The following CFAP20DC variants were observed in gnomAD, a reference collection of about 807,000 sequenced individuals.
CFAP20DC encodes the protein protein CFAP20DC.
CFAP20DC carries 84 observed loss-of-function variants against 101.7 expected under a neutral mutation model. The ratio of observed to expected loss-of-function variants is 0.83; its 90% confidence interval spans 0.69 to 0.99. The LOEUF (loss-of-function observed/expected upper bound fraction) is 0.99. Ranked by LOEUF, CFAP20DC falls within the 50% of genes least tolerant of loss-of-function variation. The pLI, the probability that CFAP20DC is intolerant of heterozygous loss-of-function variation, is 0.00. For missense variants in CFAP20DC, 1,007 were observed against 970.3 expected, an observed-to-expected ratio of 1.04 and a Z score of -0.50; for synonymous variants, 359 against 351.2, an observed-to-expected ratio of 1.02 and a Z score of -0.25.
intron 14 of CFAP20DC, among the ~76,000 whole-genome samples, chr3:58,823,398 G>A (rs1287371065): frequency 1.3e-5 from 2 of 152,118 alleles, no homozygotes; most frequent in Non-Finnish European, 2.9e-5. Context: ...ATCGTAAGTA[G>A]ATGCAAAGGG....
chr3:58,717,228 T>C (rs73837933), downstream of CFAP20DC: 842 of 165,214 alleles, frequency 5.1e-3, 10 homozygotes, highest in African/African-American at 0.019. This position sits in a 1 kb window ranked among gnomAD's most constrained non-coding sequence, Gnocchi z 4.1. Context: ...GTTGATATAT[T>C]CCTGAGGGTA....
At position 58,788,477 on chromosome 3, in the gene CFAP20DC, C is replaced by A. The variant is rs1258596069; in HGVS notation, c.2237+17918G>T. On this transcript the variant is annotated intron_variant, in intron 15 of 16. Coordinates refer to ENST00000482387, the MANE Select transcript of CFAP20DC (RefSeq NM_001394063.1). This position sits in a 1 kb window ranked among gnomAD's most constrained non-coding sequence, Gnocchi z 4.2. The stretch of plus-strand genomic sequence containing the variant: ...AAAATTTCTTACCTTTAGTTTATCA[C>A]CTCAACTTCTAGCACGACTTTCCTA... Among the ~76,000 whole-genome samples, 1 of 152,080 alleles carries A rather than the reference C, an allele frequency of 6.6e-6. No homozygotes were observed.
chr3:59,009,791 A>G (rs1380738311), intron 4 of CFAP20DC, among the ~76,000 whole-genome samples: 2 of 152,186 alleles, frequency 1.3e-5, no homozygotes, highest in African/African-American at 4.8e-5. Context: ...TAAAGTCAAG[A>G]CAAAGGAAAG....
At chr3:58,741,846 A>G (rs1013155399), downstream of CFAP20DC, among the ~76,000 whole-genome samples, 6 of 152,174 alleles carry the variant, frequency 3.9e-5, no homozygotes, top group Non-Finnish European at 8.8e-5. Context: ...GATGAACAAT[A>G]ATGAAATGGA....
chr3:58,803,797 T>C lies in CFAP20DC; in HGVS notation c.2237+2598A>G, dbSNP rs538432209. Among the ~76,000 whole-genome samples, 230 of 152,346 alleles carry C rather than the reference T, an allele frequency of 1.5e-3. 10 individuals are homozygous for C. In the South Asian group the frequency reaches 0.046, roughly 31 times the overall value. On this transcript the variant is annotated intron_variant, in intron 15 of 16. Transcript: ENST00000482387. ...GTTGGTGGTATTTAATTTTTGGCTTTAGAATTTGTTCTTTTTATTTCATTA... is the reference window on the plus strand; with the variant it reads ...GTTGGTGGTATTTAATTTTTGGCTTCAGAATTTGTTCTTTTTATTTCATTA...
At chr3:58,798,802 C>T (rs2073447091) in intron 15 of CFAP20DC, among the ~76,000 whole-genome samples, 1 of 152,216 alleles carries the variant, frequency 6.6e-6, no homozygotes, top group South Asian at 2.1e-4. Context: ...CATCAACATC[C>T]AGACAAGACC....
intron 4 of CFAP20DC, among the ~76,000 whole-genome samples, chr3:59,031,715 T>C (rs532262537): frequency 2.0e-5 from 3 of 152,346 alleles, no homozygotes; most frequent in South Asian, 2.1e-4. Context: ...AGATTGTATA[T>C]TGATAGCTAA....
chr3:58,787,523 C>T (rs2072464691), intron 15 of CFAP20DC, among the ~76,000 whole-genome samples: 1 of 151,764 alleles, frequency 6.6e-6, no homozygotes, highest in African/African-American at 2.4e-5. Context: ...AACAAACAAA[C>T]AAACAAAAAA....
intron 15 of CFAP20DC, among the ~76,000 whole-genome samples, chr3:58,775,442 C>T (rs1174843257): frequency 6.6e-6 from 1 of 152,124 alleles, no homozygotes; most frequent in Admixed American, 6.6e-5. Flanking sequence ...AGTGTGATTG[C>T]AACACATTAG....
chr3:58,942,986 C>G (rs968608785), intron 4 of CFAP20DC, among the ~76,000 whole-genome samples: 2 of 152,218 alleles, frequency 1.3e-5, no homozygotes, highest in African/African-American at 4.8e-5. Flanking sequence ...GAGCTCAGTG[C>G]AGCTCTGCAA....
At chr3:58,984,125 A>C (rs2092676440) in intron 4 of CFAP20DC, among the ~76,000 whole-genome samples, 1 of 152,242 alleles carries the variant, frequency 6.6e-6, no homozygotes, top group South Asian at 2.1e-4. Context: ...GGAAGAATCC[A>C]GTTGGCAGGA....
intron 4 of CFAP20DC, among the ~76,000 whole-genome samples, chr3:58,980,862 T>G (rs546514402): frequency 2.2e-4 from 34 of 152,226 alleles, no homozygotes; most frequent in Admixed American, 4.6e-4. Flanking sequence ...CCAGGGCAAT[T>G]AGGCAGGAGA....
intron 4 of CFAP20DC, among the ~76,000 whole-genome samples, chr3:59,004,989 C>T (rs1346458851): frequency 6.6e-6 from 1 of 152,178 alleles, no homozygotes; most frequent in African/African-American, 2.4e-5. Context: ...TTACCCCTTA[C>T]TCTATCCATA....
intron 3 of CFAP20DC, among the ~76,000 whole-genome samples, chr3:59,043,670 G>A (rs1350922872): frequency 6.6e-6 from 1 of 151,808 alleles, no homozygotes; most frequent in South Asian, 2.1e-4. Flanking sequence ...TTTCAAACAT[G>A]AGCCTCCAAC....
chr3:58,867,846 G>C lies in CFAP20DC; in HGVS notation c.1106C>G (p.Thr369Ser). Reference sequence around the variant, plus strand: ...GGGTGTCTCTGTCCTTTCTCTGCTGGTACTTTTTAACCGTAATCTTCTTCT... The same window carrying C: ...GGGTGTCTCTGTCCTTTCTCTGCTGCTACTTTTTAACCGTAATCTTCTTCT... The part of the protein sequence containing the change: ...NNRRRLRLKS[T>S]SRERTETPSG... The change falls in exon 10 of 17, where the codon ACC becomes AGC. Residue 369 changes from threonine (T) to serine (S), a missense_variant. Physicochemically the swap from Thr to Ser is moderately conservative, Grantham distance 58. Transcript: ENST00000482387. The C allele has an allele frequency of 1.9e-6, 3 of 1,613,500 alleles. No individual in the cohort carries two copies. Among genetic ancestry groups the C allele is most frequent in the Non-Finnish European group, 2.5e-6 (3 of 1,179,582 alleles).
At chr3:58,791,293 T>A (rs1000148699) in intron 15 of CFAP20DC, among the ~76,000 whole-genome samples, 1 of 152,210 alleles carries the variant, frequency 6.6e-6, no homozygotes, top group Non-Finnish European at 1.5e-5. Context: ...CCAGGCCCTA[T>A]GCAAAACATG....
At chr3:58,773,450 G>C (rs904865495) in intron 15 of CFAP20DC, among the ~76,000 whole-genome samples, 22 of 151,996 alleles carry the variant, frequency 1.4e-4, no homozygotes, top group Non-Finnish European at 2.9e-4. Context: ...GGGCTACTTG[G>C]GGGGCTGAAG....
intron 3 of CFAP20DC, among the ~76,000 whole-genome samples, chr3:59,043,687 C>T (rs1041704676): frequency 6.6e-6 from 1 of 151,996 alleles, no homozygotes; most frequent in African/African-American, 2.4e-5. Context: ...CAACAGAAAG[C>T]TCTGAAGAAG....
chr3:58,931,527 T>C (rs545510147), intron 5 of CFAP20DC, among the ~76,000 whole-genome samples: 19 of 152,014 alleles, frequency 1.2e-4, no homozygotes, highest in Middle Eastern at 3.4e-3. Flanking sequence ...CACCCCCCAG[T>C]AGGGGCAGAC....
Sources: gnomAD v4.1 joint callset for allele counts (sites outside exome capture counted in the v4.1 genomes callset) on GRCh38, gnomAD v4.1.1 for gene constraint, Gnocchi (gnomAD v3.1) non-coding constraint, MANE v1.5 for transcripts, NCBI Gene and HGNC (gene_info 2026-07-23, HGNC 2026-07-21) for gene names.